TM7SF3: variants seen among roughly 807,000 people sequenced by gnomAD.
The protein encoded by TM7SF3 is transmembrane 7 superfamily member 3, also known as seven span transmembrane protein.
In TM7SF3, 60 loss-of-function variants were observed where a neutral mutation model predicts 65.5. That is an observed-to-expected ratio of 0.92 (90% CI 0.74 to 1.14). The LOEUF (loss-of-function observed/expected upper bound fraction) is 1.14. Among genes scored for constraint, TM7SF3 ranks in the 50% most tolerant of loss-of-function variants. TM7SF3 has a pLI of 0.00. For missense variants in TM7SF3, 623 were observed against 684.8 expected (o/e 0.91, Z 1.01); for synonymous variants, 264 against 259.6 (o/e 1.02, Z -0.16).
At chr12:26,997,228 A>G (rs892542277) in intron 3 of TM7SF3, among the ~76,000 whole-genome samples, 2 of 152,214 alleles carry the variant, frequency 1.3e-5, no homozygotes, top group African/African-American at 4.8e-5. Flanking sequence ...TTATGTACAA[A>G]AACAGGCAGC....
chr12:26,999,542 G>A lies in TM7SF3; in HGVS notation c.381C>T (p.Leu127=). Residue 127 remains leucine, a synonymous_variant, in exon 3 of 12, where the codon CTC becomes CTT. Coordinates refer to ENST00000343028, the MANE Select transcript of TM7SF3 (RefSeq NM_016551.3). Reference sequence around the variant, plus strand: ...AAGGGTTACCTCTTTCTGAGTAGGAGAGTAGGATAGCCATATTCTGGACAG... The same window carrying A: ...AAGGGTTACCTCTTTCTGAGTAGGAAAGTAGGATAGCCATATTCTGGACAG... ...IQPVQNMAIL[L]SYSERDPVPG... 6.2e-7 allele frequency: 1 copy of A among 1,613,890 alleles called. No individual in the cohort carries two copies. The highest frequency in any genetic ancestry group is 1.1e-5 in the South Asian group (1 of 91,082).
Position 26,973,786 on chromosome 12 carries a change from C to G in TM7SF3, c.*179G>C. Reference sequence around the variant, plus strand: ...CAACCTTTTGGTCATCTTTCTCATTCTCTTACAATCATCCTAATCCCCTAG... The same window carrying G: ...CAACCTTTTGGTCATCTTTCTCATTGTCTTACAATCATCCTAATCCCCTAG... On this transcript the variant is annotated 3_prime_UTR_variant, in exon 12 of 12. Coordinates refer to ENST00000343028, the MANE Select transcript of TM7SF3 (RefSeq NM_016551.3). 1 of 713,086 alleles carries G rather than the reference C, an allele frequency of 1.4e-6. No individual in the cohort carries two copies. Among genetic ancestry groups the G allele is most frequent in the Non-Finnish European group, 2.1e-6 (1 of 480,758 alleles). 44.2% of individuals were successfully genotyped at this position (713,086 alleles called of 1,614,324 possible).
intron 3 of TM7SF3, among the ~76,000 whole-genome samples, chr12:26,998,641 GCTC>G (rs1208000215): frequency 6.6e-6 from 1 of 152,062 alleles, no homozygotes; most frequent in East Asian, 1.9e-4. Context: ...CTCAAATCCT[GCTC>G]CTCTTCTCCA....
chr12:26,992,205 T>C (rs1940396259), intron 5 of TM7SF3, among the ~76,000 whole-genome samples: 1 of 152,210 alleles, frequency 6.6e-6, no homozygotes, highest in African/African-American at 2.4e-5. Context: ...ACCTTAAATG[T>C]GCTCAGAACA....
chr12:26,982,824 C>T lies in TM7SF3; in HGVS notation c.904G>A (p.Ala302Thr), dbSNP rs1939874815. 1 of 1,608,542 alleles carries T rather than the reference C, an allele frequency of 6.2e-7. No individual in the cohort carries two copies. Among genetic ancestry groups the T allele is most frequent in the Admixed American group, 1.7e-5 (1 of 58,678 alleles). The change falls in exon 7 of 12, where the codon GCC (alanine) becomes ACC (threonine). Residue 302 changes from alanine to threonine, a missense_variant. Transcript: ENST00000343028. ...AAACAAATGAAGAAACCAAGCAGGG[C>T]AAAAAGAGTGAAGAACACTTTGGAA... The part of the protein sequence containing the change: ...VSSKVFFTLF[A>T]LLGFFICFFG...
intron 1 of TM7SF3, among the ~76,000 whole-genome samples, chr12:27,011,116 C>A (rs1032253138): frequency 2.0e-5 from 3 of 152,288 alleles, no homozygotes; most frequent in Non-Finnish European, 4.4e-5. Context: ...TCATTGTTAT[C>A]TTCTTACAAA....
intron 3 of TM7SF3, among the ~76,000 whole-genome samples, chr12:26,998,373 C>A (rs979827368): frequency 2.0e-5 from 3 of 152,132 alleles, no homozygotes; most frequent in African/African-American, 7.2e-5. Context: ...AATCTCACCC[C>A]TCCACTCCAG....
chr12:26,982,982 A>G, intron 6 of TM7SF3, 123 bp from the exon 7 acceptor site: 1 of 656,634 alleles, frequency 1.5e-6, no homozygotes, highest in East Asian at 2.9e-5. Flanking sequence ...ATACATGTAT[A>G]TTACAAATTT....
chr12:26,982,433 T>G (rs1939856779), intron 7 of TM7SF3, among the ~76,000 whole-genome samples: 1 of 152,002 alleles, frequency 6.6e-6, no homozygotes, highest in African/African-American at 2.4e-5. Flanking sequence ...CACCTCAGCT[T>G]CCCAAAGTGC....
intron 6 of TM7SF3, among the ~76,000 whole-genome samples, chr12:26,986,552 A>G (rs1358350155): frequency 2.0e-5 from 3 of 152,150 alleles, no homozygotes; most frequent in African/African-American, 7.2e-5. Flanking sequence ...CCCACCTTGA[A>G]TAAAATCTTC....
At chr12:27,006,476 C>G (rs965340327) in intron 1 of TM7SF3, among the ~76,000 whole-genome samples, 3 of 151,722 alleles carry the variant, frequency 2.0e-5, no homozygotes, top group Non-Finnish European at 4.4e-5. Context: ...GGAACACACA[C>G]TAGAAAAAAA....
At chr12:26,980,755 G>C (rs1190768571) in intron 7 of TM7SF3, 109 bp from the exon 8 acceptor site, 2 of 575,840 alleles carry the variant, frequency 3.5e-6, no homozygotes, top group Non-Finnish European at 6.0e-6. Context: ...ACATGCTTAA[G>C]CTCCTGGAAT....
intron 10 of TM7SF3, 89 bp from the exon 11 acceptor site, chr12:26,975,747 C>T (rs1939538347): frequency 1.5e-6 from 2 of 1,372,092 alleles, no homozygotes; most frequent in Non-Finnish European, 2.0e-6. Context: ...CAGGCAATCA[C>T]ATCTGCTCCC....
At chr12:26,982,378 T>C (rs1023634706) in intron 7 of TM7SF3, among the ~76,000 whole-genome samples, 3 of 152,078 alleles carry the variant, frequency 2.0e-5, no homozygotes, top group Non-Finnish European at 2.9e-5. Flanking sequence ...GATCTCACTA[T>C]GTTGCCTAGA....
intron 1 of TM7SF3, among the ~76,000 whole-genome samples, chr12:27,004,460 A>T (rs1940954791): frequency 6.6e-6 from 1 of 152,246 alleles, no homozygotes; most frequent in African/African-American, 2.4e-5. Flanking sequence ...TGGAACTGTC[A>T]TGTTTTATTT....
rs374121774 is a variant in TM7SF3 at position 26,990,567 on chromosome 12, C to T, written c.751G>A (p.Gly251Ser). The T allele has an allele frequency of 5.3e-5, 85 of 1,613,916 alleles. No individual in the cohort carries two copies. The highest frequency in any genetic ancestry group is 6.0e-5 in the Non-Finnish European group (71 of 1,179,934). The change falls in exon 6 of 12, where the codon GGT becomes AGT. Residue 251 changes from glycine to serine, a missense_variant. Coordinates refer to ENST00000343028, the MANE Select transcript of TM7SF3 (RefSeq NM_016551.3). ...CAAACAATGACATTGTATATGACAC[C>T]TTGTCCCGGGAGGGAGGAGAAGGAA... ...SVSFSSLPGQGVIYNVIVWDP... is the reference protein window; with the variant it reads ...SVSFSSLPGQSVIYNVIVWDP...
In TM7SF3 at chr12:26,980,671, G is replaced by GA. The variant is rs559125750; in HGVS notation, c.956-26dup. The GA allele has an allele frequency of 2.1e-4, 283 of 1,324,390 alleles. No individual in the cohort carries two copies. The African/African-American group carries it at 3.3e-3, about 16-fold the overall frequency. The allele number at this position is 1,324,390 out of a possible 1,614,324, so 82.0% of individuals were successfully genotyped here. On this transcript the variant is annotated intron_variant, in intron 7 of 11. Transcript: ENST00000343028. Reference sequence around the variant, plus strand: ...TCTAAGTGGCAAACCACCAGGAAAGGAAAAAAGCAAAACAACAAAAGCTAT... The same window carrying GA: ...TCTAAGTGGCAAACCACCAGGAAAGGAAAAAAAGCAAAACAACAAAAGCTAT...
chr12:26,975,821 G>C (rs1488634152), intron 10 of TM7SF3, 163 bp from the exon 11 acceptor site: 2 of 668,522 alleles, frequency 3.0e-6, no homozygotes, highest in South Asian at 4.4e-5. Context: ...AAGATAAACT[G>C]AAAACAACCT....
chr12:26,990,849 A>T (rs1444616189), intron 5 of TM7SF3, among the ~76,000 whole-genome samples: 1 of 152,216 alleles, frequency 6.6e-6, no homozygotes, highest in Non-Finnish European at 1.5e-5. Flanking sequence ...GGTTTTTTTT[A>T]ATAGTTTAAG....
Sources: allele counts gnomAD v4.1 joint callset (sites outside exome capture counted in the v4.1 genomes callset), GRCh38; gene constraint gnomAD v4.1.1; transcripts MANE v1.5; gene names NCBI Gene and HGNC (gene_info 2026-07-23, HGNC 2026-07-21).